Variants in ATG2A observed in about 807,000 individuals in gnomAD.
ATG2A encodes autophagy-related protein 2 homolog A.
Under a neutral mutation model 214.2 loss-of-function variants are expected in ATG2A, and 103 were observed. The observed-to-expected ratio is 0.48, with a 90% CI of 0.41 to 0.57. The LOEUF (loss-of-function observed/expected upper bound fraction) is 0.57, where lower values mean the gene tolerates loss of function less well. ATG2A is among the 20% of genes least tolerant of loss of function. ATG2A has a pLI of 0.00. For synonymous variants in ATG2A, 1,160 were observed against 1,142.1 expected (o/e 1.02, Z -0.32); for missense variants, 2,312 against 2,613.2 (o/e 0.88, Z 2.51).
At chr11:64,916,266 C>T (rs763297040) in intron 1 of ATG2A, among the ~76,000 whole-genome samples, 26 of 152,156 alleles carry the variant, frequency 1.7e-4, no homozygotes, top group Admixed American at 3.9e-4. Context: ...ACCTTTCCTC[C>T]AGGGCCTCCC....
Position 64,896,520 on chromosome 11 carries a change from C to T in ATG2A, c.5369G>A (p.Gly1790Asp). 8.1e-6 allele frequency: 13 copies of T among 1,613,966 alleles called. No homozygotes were observed. The highest frequency in any genetic ancestry group is 1.1e-5 in the Non-Finnish European group (13 of 1,179,942). The change falls in exon 39 of 41, where the codon GGC becomes GAC. Residue 1790 changes from glycine (G) to aspartate (D), a missense_variant. Gly to Asp is a moderately conservative substitution (Grantham distance 94). Coordinates refer to ENST00000377264, the MANE Select transcript of ATG2A (RefSeq NM_015104.3). ...RGLQRGAASF[G>D]SSTASAALEL... ...CAGGGCGGCAGAGGCTGTGGATGAG[C>T]CAAAGGAGGCAGCCCCTCGCTGCAG...
rs1204024688 is a variant in ATG2A at position 64,912,155 on chromosome 11, C to T, written c.1017G>A (p.Gln339=). 6.2e-7 allele frequency: 1 copy of T among 1,614,028 alleles called. No individual in the cohort carries two copies. Among genetic ancestry groups the T allele is most frequent in the Non-Finnish European group, 8.5e-7 (1 of 1,180,030 alleles). Residue 339 remains glutamine, a synonymous_variant, in exon 8 of 41, where the codon CAG becomes CAA. Coordinates refer to ENST00000377264, the MANE Select transcript of ATG2A (RefSeq NM_015104.3). The part of the protein sequence containing the change: ...LIEQDLNQQL[Q]AGAVAEPLSP... Reference sequence around the variant, plus strand: ...TGAGGGGCTCAGCCACTGCCCCTGCCTGCAGCTGCTGGTTCAGGTCCTGCT... The same window carrying T: ...TGAGGGGCTCAGCCACTGCCCCTGCTTGCAGCTGCTGGTTCAGGTCCTGCT...
Position 64,895,364 on chromosome 11 carries a change from G to T in ATG2A, c.5506C>A (p.Arg1836=). 6.2e-7 allele frequency: 1 copy of T among 1,612,944 alleles called. No individual in the cohort carries two copies. The highest frequency in any genetic ancestry group is 8.5e-7 in the Non-Finnish European group (1 of 1,179,710). Residue 1836 remains arginine, a synonymous_variant, in exon 40 of 41, where the codon CGG becomes AGG. Coordinates refer to ENST00000377264, the MANE Select transcript of ATG2A (RefSeq NM_015104.3). This position sits in a 1 kb window ranked among gnomAD's most constrained non-coding sequence, Gnocchi z 5.0. ...GGCTGCTGGCCCCTGCGCAGCCTCC[G>T]CGCAGAGCGCTTATCCTGCAGGGAG... ...SRSLQDKRSA[R]RLRRGQQPAD... is the part of the protein sequence containing the mutation.
At chr11:64,914,652 G>A in intron 1 of ATG2A, 152 bp from the exon 2 acceptor site, 1 of 1,053,942 alleles carries the variant, frequency 9.5e-7, no homozygotes, top group South Asian at 1.6e-5. Context: ...TGCTCATGCT[G>A]TCCCCTACTA....
intron 6 of ATG2A, chr11:64,912,837 C>T (rs1408376555): frequency 1.9e-5 from 10 of 535,312 alleles, no homozygotes; most frequent in African/African-American, 3.9e-5. Flanking sequence ...AGATGATCCA[C>T]CCACCTTGGC....
At position 64,906,097 on chromosome 11, in the gene ATG2A, C is replaced by A; in HGVS notation, c.3264+16G>T. On this transcript the variant is annotated intron_variant, in intron 22 of 40. Coordinates refer to ENST00000377264, the MANE Select transcript of ATG2A (RefSeq NM_015104.3). ...AGAGTCACTGGGCCATGTGGCTTCC[C>A]ACCACCCACGCTCACCTGGGAATGC... The A allele has an allele frequency of 6.4e-7, 1 of 1,561,116 alleles. No homozygotes were observed. The highest frequency in any genetic ancestry group is 1.2e-5 in the South Asian group (1 of 85,672).
Position 64,913,612 on chromosome 11 carries a change from G to A in ATG2A, c.590+209C>T. The A allele has an allele frequency of 1.2e-6, 1 of 812,744 alleles. No individual in the cohort carries two copies. The highest frequency in any genetic ancestry group is 1.9e-6 in the Non-Finnish European group (1 of 530,628). 50.3% of individuals were successfully genotyped at this position (812,744 alleles called of 1,614,324 possible). ...CCCTCAGCATCTAACTTGGTTCTTG[G>A]GGCCTCGGCCACTCTGGGCCTGTAT... On this transcript the variant is annotated intron_variant, in intron 4 of 40. Transcript: ENST00000377264. The surrounding 1 kb of genome is among the most constrained non-coding windows in gnomAD (Gnocchi z 4.3).
rs1944430389 is a variant in ATG2A at position 64,903,471 on chromosome 11, G to A, written c.3536-107C>T. On this transcript the variant is annotated intron_variant, in intron 25 of 40. Transcript: ENST00000377264. The surrounding 1 kb of genome is among the most constrained non-coding windows in gnomAD (Gnocchi z 4.2). Reference sequence around the variant, plus strand: ...ATCCAGGTGTAGTCCCTGCTGTGCGGGCTACGTGTGGGAGCTAAGGACCCG... The same window carrying A: ...ATCCAGGTGTAGTCCCTGCTGTGCGAGCTACGTGTGGGAGCTAAGGACCCG... 2 of 1,494,564 alleles carry A rather than the reference G, an allele frequency of 1.3e-6. No homozygotes were observed. Among genetic ancestry groups the A allele is most frequent in the South Asian group, 2.4e-5 (2 of 83,884 alleles). The allele number at this position is 1,494,564 out of a possible 1,614,324, so 92.6% of individuals were successfully genotyped here.
In ATG2A at chr11:64,898,279, C is replaced by T. The variant is rs1477019584; in HGVS notation, c.4755G>A (p.Leu1585=). ...ECCLRVSLMP[L]RLNVDQDALF... ...CACTCACCTGGTCCACATTGAGCCG[C>T]AGGGGCATCAGCGAGACGCGGAGAC... The change falls in exon 33 of 41, where the codon CTG becomes CTA. Residue 1585 remains leucine (L), a synonymous_variant. Transcript: ENST00000377264. This position sits in a 1 kb window ranked among gnomAD's most constrained non-coding sequence, Gnocchi z 4.5. 1.2e-6 allele frequency: 2 copies of T among 1,613,700 alleles called. No individual in the cohort carries two copies. Among genetic ancestry groups the T allele is most frequent in the African/African-American group, 1.3e-5 (1 of 75,044 alleles).
intron 7 of ATG2A, 39 bp from the exon 8 acceptor site, chr11:64,912,288 T>TTCCCC: frequency 2.0e-6 from 3 of 1,471,334 alleles, no homozygotes; most frequent in South Asian, 1.1e-5. Context: ...TGGCTGGCCC[T>TTCCCC]CCCAGCCACC....
rs774313927 is a variant in ATG2A at position 64,900,634 on chromosome 11, G to C, written c.4329-5C>G. On this transcript the variant is annotated splice_polypyrimidine_tract_variant and splice_region_variant and intron_variant, in intron 30 of 40. Coordinates refer to ENST00000377264, the MANE Select transcript of ATG2A (RefSeq NM_015104.3). ...CCTGAGAGGCCAGTTCTTGCCCTGGGAAGAGGGACAGGGGCCAAGCTGACT... is the reference window on the plus strand; with the variant it reads ...CCTGAGAGGCCAGTTCTTGCCCTGGCAAGAGGGACAGGGGCCAAGCTGACT... 1 of 1,598,226 alleles carries C rather than the reference G, an allele frequency of 6.3e-7. No homozygotes were observed.
rs980912635 is a variant in ATG2A at position 64,896,511 on chromosome 11, G to A, written c.5378C>T (p.Thr1793Ile). 5.6e-6 allele frequency: 9 copies of A among 1,614,028 alleles called. No homozygotes were observed. Among genetic ancestry groups the A allele is most frequent in the Non-Finnish European group, 7.6e-6 (9 of 1,179,946 alleles). ...GCTGAGTTCCAGGGCGGCAGAGGCTGTGGATGAGCCAAAGGAGGCAGCCCC... is the reference window on the plus strand; with the variant it reads ...GCTGAGTTCCAGGGCGGCAGAGGCTATGGATGAGCCAAAGGAGGCAGCCCC... ...QRGAASFGSSTASAALELSNR... is the reference protein window; with the variant it reads ...QRGAASFGSSIASAALELSNR... Residue 1793 changes from threonine to isoleucine, a missense_variant, in exon 39 of 41, where the codon ACA becomes ATA. Transcript: ENST00000377264.
At position 64,902,737 on chromosome 11, in the gene ATG2A, G is replaced by A. The variant is rs1275709475; in HGVS notation, c.3613-57C>T. 8 of 1,524,540 alleles carry A rather than the reference G, an allele frequency of 5.2e-6. No homozygotes were observed. The Admixed American group carries it at 1.4e-4, about 27-fold the overall frequency. 94.4% of individuals were successfully genotyped at this position (1,524,540 alleles called of 1,614,324 possible). The stretch of plus-strand genomic sequence containing the variant: ...TGAACACAGGGGCCACTGCCTGCTG[G>A]CCCCACCCGCTCGCTGGGAGGGCAC... On this transcript the variant is annotated intron_variant, in intron 26 of 40. Transcript: ENST00000377264.
intron 29 of ATG2A, among the ~76,000 whole-genome samples, chr11:64,901,650 T>C (rs1236184111): frequency 1.3e-5 from 2 of 152,120 alleles, no homozygotes; most frequent in African/African-American, 4.8e-5. Context: ...TGCAGCCACA[T>C]GGTTCTCCAT....
In ATG2A at chr11:64,907,603, C is replaced by T. The variant is rs201903243; in HGVS notation, c.2569G>A (p.Ala857Thr). The T allele has an allele frequency of 3.1e-5, 49 of 1,575,076 alleles. No individual in the cohort carries two copies. Among genetic ancestry groups the T allele is most frequent in the Non-Finnish European group, 3.8e-5 (44 of 1,161,794 alleles). Residue 857 changes from alanine to threonine, a missense_variant, in exon 18 of 41, where the codon GCC becomes ACC. Physicochemically the swap from Ala to Thr is moderately conservative, Grantham distance 58 (BLOSUM62 0). Transcript: ENST00000377264. ...GGGCCGGGGAAGCCCGAGGGCTGGG[C>T]GGCGGGGTCGGGGGTGGGAAGCAGA... The part of the protein sequence containing the change: ...ADLLPTPDPA[A>T]QPSGFPGPSG...
chr11:64,906,029 G>A, intron 22 of ATG2A, 84 bp downstream of exon 22: 2 of 1,477,400 alleles, frequency 1.4e-6, no homozygotes, highest in Non-Finnish European at 1.8e-6. Context: ...CCTCCCACCG[G>A]CCTCCTCCCA....
In ATG2A at chr11:64,894,892, G is replaced by T. The variant is rs770154457; in HGVS notation, c.*81C>A. ...TGGCCATCCCCTGAAGGGCCAGGCC[G>T]GGCCGGGCCCGTGGGCTGCAGCTCT... On this transcript the variant is annotated 3_prime_UTR_variant, in exon 41 of 41. Transcript: ENST00000377264. The T allele has an allele frequency of 5.9e-6, 9 of 1,529,622 alleles. No individual in the cohort carries two copies. In the African/African-American group the frequency reaches 1.2e-4, roughly 21 times the overall value. The allele number at this position is 1,529,622 out of a possible 1,614,324, so 94.8% of individuals were successfully genotyped here. A position where few individuals can be genotyped will look rare whatever the true frequency, so the allele number is the denominator to read the frequency against.
chr11:64,897,289 TAC>T, intron 37 of ATG2A, 121 bp downstream of exon 37: 1 of 1,203,642 alleles, frequency 8.3e-7, no homozygotes, highest in Non-Finnish European at 1.2e-6. Context: ...GCGTCCTTTT[TAC>T]AGAGGAGAAA....
At chr11:64,910,222 G>A in intron 12 of ATG2A, 27 bp from the exon 13 acceptor site, 4 of 1,571,200 alleles carry the variant, frequency 2.5e-6, no homozygotes, top group Non-Finnish European at 3.4e-6. Context: ...TCAGGTCAGT[G>A]AGGGCTGAGT....
Sources: gnomAD v4.1 joint callset for allele counts (sites outside exome capture counted in the v4.1 genomes callset) on GRCh38, gnomAD v4.1.1 for gene constraint, Gnocchi (gnomAD v3.1) non-coding constraint, MANE v1.5 for transcripts, NCBI Gene and HGNC (gene_info 2026-07-23, HGNC 2026-07-21) for gene names.